ARHGEF1: variants seen among roughly 807,000 people sequenced by gnomAD.
The protein encoded by ARHGEF1 is 115 kDa guanine nucleotide exchange factor.
ARHGEF1 carries 40 observed loss-of-function variants against 119.7 expected under a neutral mutation model. The ratio of observed to expected loss-of-function variants is 0.33; its 90% CI spans 0.26 to 0.44. ARHGEF1 has a LOEUF of 0.44. Among genes scored for constraint, ARHGEF1 ranks in the 20% least tolerant of loss-of-function variants. The pLI, the probability that ARHGEF1 is intolerant of heterozygous loss-of-function variation, is 1.00. For missense variants in ARHGEF1, 976 were observed against 1,268.3 expected, an observed-to-expected ratio of 0.77 and a Z score of 3.50; for synonymous variants, 494 against 521.0, an observed-to-expected ratio of 0.95 and a Z score of 0.71.
chr19:41,883,303 G>A lies in ARHGEF1; in HGVS notation c.-20+14G>A, dbSNP rs1247973752. On this transcript the variant is annotated intron_variant, in intron 1 of 28. Coordinates refer to ENST00000354532, the MANE Select transcript of ARHGEF1 (RefSeq NM_004706.4). The surrounding 1 kb of genome is among the most constrained non-coding windows in gnomAD (Gnocchi z 7.6). ...CGCGGACACCAGGTACTCGGTCCCC[G>A]GCCCCGCCCGGCCTCCTCCCCTCGG... The A allele has an allele frequency of 1.2e-5, 2 of 167,190 alleles. No homozygotes were observed. The highest frequency in any genetic ancestry group is 2.7e-5 in the Non-Finnish European group (2 of 74,492). The allele number at this position is 167,190 out of a possible 1,614,324, so 10.4% of individuals were successfully genotyped here.
At chr19:41,891,664 A>G (rs2074378601) in intron 4 of ARHGEF1, among the ~76,000 whole-genome samples, 1 of 152,162 alleles carries the variant, frequency 6.6e-6, no homozygotes, top group African/African-American at 2.4e-5. Context: ...GGTCCCTATG[A>G]TTGAACACGT....
intron 4 of ARHGEF1, among the ~76,000 whole-genome samples, chr19:41,891,478 T>A (rs2074375492): frequency 6.6e-6 from 1 of 152,124 alleles, no homozygotes; most frequent in Non-Finnish European, 1.5e-5. Flanking sequence ...GAGACAGGGT[T>A]TCGCCATGTT....
chr19:41,888,305 T>C lies in ARHGEF1; in HGVS notation c.111+27T>C. The C allele has an allele frequency of 6.2e-7, 1 of 1,610,292 alleles. No individual in the cohort carries two copies. Among genetic ancestry groups the C allele is most frequent in the South Asian group, 1.1e-5 (1 of 91,020 alleles). ...TGAGTGGGAGATAGGGTGGAAAAGC[T>C]CTGTCCCAGGCTCAGTGTCCCGCCC... On this transcript the variant is annotated intron_variant, in intron 3 of 28. Coordinates refer to ENST00000354532, the MANE Select transcript of ARHGEF1 (RefSeq NM_004706.4). The surrounding 1 kb of genome is among the most constrained non-coding windows in gnomAD (Gnocchi z 5.1).
intron 1 of ARHGEF1, chr19:41,927,985 G>T (rs1194527042): frequency 6.6e-6 from 1 of 150,782 alleles, no homozygotes; most frequent in Non-Finnish European, 1.5e-5. Flanking sequence ...CCCCCTCCTG[G>T]GGCGGGAATC....
Position 41,903,567 on chromosome 19 carries a change from C to G in ARHGEF1, c.1840-140C>G. ...GGCTTGGCCCTCAGCATCTCCCTCTCAGGGTCATTGGAGGTCAGGCCCAAC... is the reference window on the plus strand; with the variant it reads ...GGCTTGGCCCTCAGCATCTCCCTCTGAGGGTCATTGGAGGTCAGGCCCAAC... On this transcript the variant is annotated intron_variant, in intron 19 of 28. Coordinates refer to ENST00000354532, the MANE Select transcript of ARHGEF1 (RefSeq NM_004706.4). The surrounding 1 kb of genome is among the most constrained non-coding windows in gnomAD (Gnocchi z 4.2). 1 of 1,109,896 alleles carries G rather than the reference C, an allele frequency of 9.0e-7. No homozygotes were observed. Among genetic ancestry groups the G allele is most frequent in the Non-Finnish European group, 1.3e-6 (1 of 760,190 alleles). 68.8% of individuals were successfully genotyped at this position (1,109,896 alleles called of 1,614,324 possible).
At chr19:41,919,512 TACACAC>T (rs60525805), upstream of ARHGEF1, among the ~76,000 whole-genome samples, 22 of 146,590 alleles carry the variant, frequency 1.5e-4, no homozygotes, top group South Asian at 4.4e-4. Context: ...CGTGCACGCG[TACACAC>T]ACACACACAC....
At position 41,903,763 on chromosome 19, in the gene ARHGEF1, C is replaced by T. The variant is rs782273371; in HGVS notation, c.1896C>T (p.Asp632=). 1.7e-5 allele frequency: 27 copies of T among 1,613,088 alleles called. 1 individual carries two copies. In the South Asian group the frequency reaches 2.6e-4, roughly 16 times the overall value. The change falls in exon 20 of 29, where the codon GAC becomes GAT. Residue 632 remains aspartate, a synonymous_variant. Coordinates refer to ENST00000354532, the MANE Select transcript of ARHGEF1 (RefSeq NM_004706.4). The surrounding 1 kb of genome is among the most constrained non-coding windows in gnomAD (Gnocchi z 4.2). Reference sequence around the variant, plus strand: ...TGTCCCACCTTCGGCAGAGCAGCGACCCTATGCTGAGCGAGTTCAAGGTGT... The same window carrying T: ...TGTCCCACCTTCGGCAGAGCAGCGATCCTATGCTGAGCGAGTTCAAGGTGT... ...LDLSHLRQSS[D]PMLSEFKNLD...
At chr19:41,884,633 C>A in intron 1 of ARHGEF1, 1 of 1,183,726 alleles carries the variant, frequency 8.4e-7, no homozygotes, top group Non-Finnish European at 1.2e-6. Flanking sequence ...AGATTTGGGT[C>A]TCGTGTAGAC....
intron 1 of ARHGEF1, chr19:41,884,328 G>A: frequency 1.6e-6 from 2 of 1,288,300 alleles, no homozygotes; most frequent in Non-Finnish European, 2.1e-6. Flanking sequence ...GCCGGAGCCC[G>A]GCAGGAGCCG....
rs546497637 is a variant in ARHGEF1, at chr19:41,913,052, C to A, written c.1865+6249C>A. 122 of 410,406 alleles carry A rather than the reference C, an allele frequency of 3.0e-4. No individual in the cohort carries two copies. The Middle Eastern group carries it at 3.1e-3, about 10-fold the overall frequency. 25.4% of individuals were successfully genotyped at this position (410,406 alleles called of 1,614,324 possible). ...CCAGGTCCCCACCCCAGCCTGACAC[C>A]CTCTCCCCGCAATCCCTCCTGCCCA... On this transcript the variant is annotated intron_variant, in intron 18 of 20. Transcript: ENST00000599589.
chr19:41,919,956 G>T (rs115643853), upstream of ARHGEF1, among the ~76,000 whole-genome samples: 11 of 125,710 alleles, frequency 8.8e-5, no homozygotes, highest in African/African-American at 3.0e-4. Flanking sequence ...CAGACGTGAC[G>T]AACTCACAGA....
rs1555847308 is a variant in ARHGEF1 at position 41,895,343 on chromosome 19, C to T, written c.878-6C>T. 2 of 1,604,058 alleles carry T rather than the reference C, an allele frequency of 1.2e-6. No homozygotes were observed. The highest frequency in any genetic ancestry group is 1.1e-5 in the South Asian group (1 of 90,862). On this transcript the variant is annotated splice_region_variant and splice_polypyrimidine_tract_variant and intron_variant, in intron 11 of 28. Coordinates refer to ENST00000354532, the MANE Select transcript of ARHGEF1 (RefSeq NM_004706.4). ...TCTCCCTCTTTCTCCCTCACTGTCT[C>T]CCCAGCCGAGAAGCCAGGTGCTACA...
Position 41,894,471 on chromosome 19 carries a change from G to T in ARHGEF1, c.765G>T (p.Ser255=). 6.4e-7 allele frequency: 1 copy of T among 1,567,290 alleles called. No homozygotes were observed. Among genetic ancestry groups the T allele is most frequent in the Admixed American group, 1.8e-5 (1 of 55,750 alleles). The change falls in exon 10 of 29, where the codon TCG becomes TCT. Residue 255 remains serine (S), a synonymous_variant. Transcript: ENST00000354532. ...FRKKVMGNRR[S]DEPAKTKKGL... ...CACAGGTGATGGGGAACCGGCGGTC[G>T]GACGAGCCTGCCAAGACCAAGAAGG...
In ARHGEF1 at chr19:41,917,495, C is replaced by T. The variant is rs1430108931; in HGVS notation, c.1866-5597C>T. On this transcript the variant is annotated intron_variant, in intron 18 of 20. Transcript: ENST00000599589. This position sits in a 1 kb window ranked among gnomAD's most constrained non-coding sequence, Gnocchi z 4.8. The stretch of plus-strand genomic sequence containing the variant: ...CCCAGGCCCCCCCATCCCCACCTCC[C>T]CTTAACACAATCTGCACAATCGGAA... Among the ~76,000 whole-genome samples the T allele has an allele frequency of 6.6e-6, 1 of 151,844 alleles. No individual in the cohort carries two copies. Among genetic ancestry groups the T allele is most frequent in the African/African-American group, 2.4e-5 (1 of 41,320 alleles).
At chr19:41,918,761 A>G (rs2074819637), upstream of ARHGEF1, among the ~76,000 whole-genome samples, 1 of 149,414 alleles carries the variant, frequency 6.7e-6, no homozygotes, top group African/African-American at 2.5e-5. Flanking sequence ...CACCACATAT[A>G]CATCTACCAC....
chr19:41,923,366 T>C (rs2074852737), intron 1 of ARHGEF1: 1 of 344,528 alleles, frequency 2.9e-6, no homozygotes, highest in African/African-American at 2.2e-5. Flanking sequence ...TGAGAGAGAG[T>C]CAGAGAGCTG....
chr19:41,914,747 C>A (rs1223103231), intron 18 of ARHGEF1, among the ~76,000 whole-genome samples: 2 of 28,094 alleles, frequency 7.1e-5, no homozygotes, highest in Non-Finnish European at 1.1e-4. Context: ...ATCTCTGTCT[C>A]TCCCTCCCCT....
At chr19:41,914,956 A>ATCTCCG (rs1599675132) in intron 18 of ARHGEF1, among the ~76,000 whole-genome samples, 3 of 51,790 alleles carry the variant, frequency 5.8e-5, no homozygotes, top group Admixed American at 3.5e-4. Flanking sequence ...CTCTTCCACT[A>ATCTCCG]TCTCTGTCTC....
chr19:41,902,922 G>A lies in ARHGEF1; in HGVS notation c.1738+24G>A. ...AGGTACCGCGGGCCTGGATCTCTGG[G>A]CCTCGGCTCTCCTCTTTTTTTTTTA... On this transcript the variant is annotated intron_variant, in intron 18 of 28. Transcript: ENST00000354532. The surrounding 1 kb of genome is among the most constrained non-coding windows in gnomAD (Gnocchi z 6.5). 1 of 1,537,702 alleles carries A rather than the reference G, an allele frequency of 6.5e-7. No homozygotes were observed. Among genetic ancestry groups the A allele is most frequent in the Non-Finnish European group, 8.8e-7 (1 of 1,138,668 alleles).
Sources: allele counts gnomAD v4.1 joint callset (sites outside exome capture counted in the v4.1 genomes callset), GRCh38; gene constraint gnomAD v4.1.1; non-coding constraint Gnocchi (gnomAD v3.1); transcripts MANE v1.5; gene names NCBI Gene and HGNC (gene_info 2026-07-23, HGNC 2026-07-21).